The following MAGI2 variants were observed in gnomAD, a reference collection of about 807,000 sequenced individuals.
MAGI2 encodes membrane associated guanylate kinase, WW and PDZ domain containing 2.
In MAGI2, 35 loss-of-function variants were observed where a neutral mutation model predicts 133.3. That is an observed-to-expected ratio of 0.26 (90% CI 0.20 to 0.35). The LOEUF (loss-of-function observed/expected upper bound fraction) is 0.35, where lower values mean the gene tolerates loss of function less well. Ranked by LOEUF, MAGI2 falls within the 10% of genes least tolerant of loss-of-function variation. The pLI is 1.00. For missense variants in MAGI2, 1,636 were observed against 1,863.4 expected (o/e 0.88, Z 2.25); for synonymous variants, 729 against 710.6 (o/e 1.03, Z -0.41).
chr7:78,199,083 G>A (rs545337577), intron 11 of MAGI2, among the ~76,000 whole-genome samples: 19 of 152,210 alleles, frequency 1.2e-4, no homozygotes, highest in South Asian at 6.2e-4. Context: ...TCTACTTAGC[G>A]TCTTCCTGGC....
intron 11 of MAGI2, among the ~76,000 whole-genome samples, chr7:78,195,942 A>T (rs1462312714): frequency 2.0e-5 from 3 of 152,140 alleles, no homozygotes; most frequent in Non-Finnish European, 4.4e-5. Flanking sequence ...CGTATGTAAG[A>T]TTTAGACTAG....
chr7:78,562,944 T>A (rs1164306129), intron 3 of MAGI2, among the ~76,000 whole-genome samples: 1 of 151,940 alleles, frequency 6.6e-6, no homozygotes, highest in Non-Finnish European at 1.5e-5. Flanking sequence ...TGTATGAAAA[T>A]ACATTCACTT....
chr7:78,140,870 G>A (rs186911137), intron 16 of MAGI2, among the ~76,000 whole-genome samples: 48 of 152,288 alleles, frequency 3.2e-4, no homozygotes, highest in Middle Eastern at 3.4e-3. Context: ...CTCACTGTCT[G>A]GTTGGGGAGA....
rs753447813 is a variant in MAGI2 at position 78,256,178 on chromosome 7, C to T, written c.1812G>A (p.Met604Ile). ...ASSGATQAEL[M>I]TLTIVKGAQG... The stretch of plus-strand genomic sequence containing the variant: ...GGGCACCTTTCACAATGGTTAAGGT[C>T]ATAAGTTCAGCTTGGGTGGCCCCAG... The change falls in exon 10 of 22, where the codon ATG becomes ATA. Residue 604 changes from methionine to isoleucine, a missense_variant. Physicochemically the swap from Met to Ile is conservative, Grantham distance 10 (BLOSUM62 1). Transcript: ENST00000354212. 3.7e-6 allele frequency: 6 copies of T among 1,613,834 alleles called. No homozygotes were observed. Among genetic ancestry groups the T allele is most frequent in the Non-Finnish European group, 4.2e-6 (5 of 1,179,986 alleles).
intron 9 of MAGI2, among the ~76,000 whole-genome samples, chr7:78,306,815 A>T: frequency 6.6e-6 from 1 of 152,172 alleles, no homozygotes; most frequent in East Asian, 1.9e-4. Context: ...GGTTTTAAGA[A>T]TAATGTTTAT....
At chr7:79,049,069 A>G (rs1399143420) in intron 1 of MAGI2, among the ~76,000 whole-genome samples, 3 of 152,222 alleles carry the variant, frequency 2.0e-5, no homozygotes, top group Admixed American at 6.5e-5. Context: ...TTTAAGGTCC[A>G]TAGGAGTGAC....
chr7:78,704,248 G>C (rs78363798), intron 2 of MAGI2, among the ~76,000 whole-genome samples: 14,183 of 152,092 alleles, frequency 0.093, 923 homozygotes, highest in African/African-American at 0.16. Context: ...CCATTAAAAA[G>C]TGAGCAAAAA....
chr7:78,714,228 G>A (rs751798321), intron 2 of MAGI2, among the ~76,000 whole-genome samples: 18 of 152,196 alleles, frequency 1.2e-4, no homozygotes, highest in Non-Finnish European at 1.9e-4. Flanking sequence ...AGATGGATCA[G>A]TGTCCTTAGG....
intron 1 of MAGI2, among the ~76,000 whole-genome samples, chr7:79,421,085 T>C: frequency 6.6e-6 from 1 of 151,960 alleles, no homozygotes; most frequent in East Asian, 1.9e-4. Context: ...AACAAAAATA[T>C]TCCTTTGGGT....
chr7:79,386,094 T>A (rs546563092), intron 1 of MAGI2, among the ~76,000 whole-genome samples: 2 of 144,862 alleles, frequency 1.4e-5, no homozygotes, highest in Non-Finnish European at 3.0e-5. Context: ...AATTTTAATA[T>A]AGAACAAAAA....
At chr7:78,758,891 C>G (rs554100413) in intron 2 of MAGI2, among the ~76,000 whole-genome samples, 1 of 152,138 alleles carries the variant, frequency 6.6e-6, no homozygotes, top group East Asian at 1.9e-4. Flanking sequence ...CCCATATATT[C>G]GCATTACTCT....
In MAGI2 at chr7:79,171,770, A is replaced by ATTTTTTTTTT. The variant is rs144599296; in HGVS notation, c.302-164574_302-164565dup. On this transcript the variant is annotated intron_variant, in intron 1 of 21. Transcript: ENST00000354212. Reference sequence around the variant, plus strand: ...TATATATATATATATATATATATATATTTTTTTTTTTTTTTTCTTTTAAAG... The same window carrying ATTTTTTTTTT: ...TATATATATATATATATATATATATATTTTTTTTTTTTTTTTTTTTTTTTTTCTTTTAAAG... Among the ~76,000 whole-genome samples, 74 of 31,196 alleles carry ATTTTTTTTTT rather than the reference A, an allele frequency of 2.4e-3. 3 individuals are homozygous for ATTTTTTTTTT. Among genetic ancestry groups the ATTTTTTTTTT allele is most frequent in the African/African-American group, 3.2e-3 (49 of 15,426 alleles). The allele number at this position is 31,196 out of a possible 152,430, so 20.5% of individuals were successfully genotyped here.
rs182299567 is a variant in MAGI2, at chr7:78,461,482, A to G, written c.1045+28279T>C. ...GATTTATTAGTTTTTCTGTATTTTCATATTTTGTATAGCTTTAATCTTTAA... is the reference window on the plus strand; with the variant it reads ...GATTTATTAGTTTTTCTGTATTTTCGTATTTTGTATAGCTTTAATCTTTAA... On this transcript the variant is annotated intron_variant, in intron 6 of 21. Transcript: ENST00000354212. Among the ~76,000 whole-genome samples, 443 of 151,778 alleles carry G rather than the reference A, an allele frequency of 2.9e-3. 3 individuals are homozygous for G. Among genetic ancestry groups the G allele is most frequent in the Non-Finnish European group, 3.9e-3 (266 of 67,972 alleles).
chr7:79,253,420 A>T lies in MAGI2; in HGVS notation c.301+199600T>A, dbSNP rs377321912. ...CACTTTGGGTGGCCTAGGCAGGCAG[A>T]TCACTTGAGCTCAGGAGTTTGAGAG... is the stretch of plus-strand genomic sequence containing the variant. On this transcript the variant is annotated intron_variant, in intron 1 of 21. Coordinates refer to ENST00000354212, the MANE Select transcript of MAGI2 (RefSeq NM_012301.4). 2.0e-4 allele frequency among the ~76,000 whole-genome samples: 31 copies of T among 152,162 alleles called. 1 individual carries two copies. The highest frequency in any genetic ancestry group is 5.8e-4 in the East Asian group (3 of 5,180).
chr7:78,371,758 C>T (rs1035401630), intron 6 of MAGI2, among the ~76,000 whole-genome samples: 1 of 151,972 alleles, frequency 6.6e-6, no homozygotes. Flanking sequence ...CATAAGATAT[C>T]AACATGTTTT....
intron 6 of MAGI2, among the ~76,000 whole-genome samples, chr7:78,394,429 G>C (rs1300046690): frequency 6.6e-6 from 1 of 152,082 alleles, no homozygotes; most frequent in African/African-American, 2.4e-5. Context: ...GTCTTCCCCA[G>C]GGCATGTCCT....
intron 2 of MAGI2, among the ~76,000 whole-genome samples, chr7:78,733,127 A>C (rs1358030053): frequency 6.6e-6 from 1 of 152,226 alleles, no homozygotes; most frequent in African/African-American, 2.4e-5. Context: ...TACAGAGTAC[A>C]TGTGAGGTTC....
rs571491789 is a variant in MAGI2, at chr7:78,628,829, C to T, written c.419-1590G>A. 2.0e-5 allele frequency among the ~76,000 whole-genome samples: 3 copies of T among 149,708 alleles called. No individual in the cohort carries two copies. The East Asian group carries it at 5.9e-4, about 29-fold the overall frequency. The stretch of plus-strand genomic sequence containing the variant: ...TATGAGAACCTTAACTTTCAATATT[C>T]TGACTTTTATGTGCTTAACCCTTGT... On this transcript the variant is annotated intron_variant, in intron 2 of 21. Transcript: ENST00000354212.
At chr7:78,375,822 C>T (rs1383902441) in intron 6 of MAGI2, among the ~76,000 whole-genome samples, 2 of 151,864 alleles carry the variant, frequency 1.3e-5, no homozygotes, top group African/African-American at 4.8e-5. Context: ...GCTTTTGCTC[C>T]TAGTTGGTCT....
Sources: gnomAD v4.1 joint callset for allele counts (sites outside exome capture counted in the v4.1 genomes callset) on GRCh38, gnomAD v4.1.1 for gene constraint, MANE v1.5 for transcripts, NCBI Gene and HGNC (gene_info 2026-07-23, HGNC 2026-07-21) for gene names.